The following PTPRG variants were observed in gnomAD, a reference collection of about 807,000 sequenced individuals.
PTPRG encodes protein tyrosine phosphatase receptor type G.
PTPRG carries 102 observed loss-of-function variants against 165.3 expected under a neutral mutation model. The ratio of observed to expected loss-of-function variants is 0.62; its 90% CI spans 0.53 to 0.73. The LOEUF is 0.73. Ranked by LOEUF, PTPRG falls within the 30% of genes least tolerant of loss-of-function variation. PTPRG has a pLI of 0.00. For missense variants in PTPRG, 1,866 were observed against 1,861.4 expected (o/e 1.00, Z -0.05); for synonymous variants, 675 against 669.5 (o/e 1.01, Z -0.13).
At chr3:62,104,518 T>C (rs1290626443) in intron 5 of PTPRG, among the ~76,000 whole-genome samples, 8 of 152,234 alleles carry the variant, frequency 5.3e-5, no homozygotes, top group Admixed American at 5.2e-4. Flanking sequence ...ATTTGCTCAT[T>C]CAGTTATCCA....
intron 2 of PTPRG, among the ~76,000 whole-genome samples, chr3:61,805,248 C>G (rs1041039092): frequency 6.6e-6 from 1 of 152,124 alleles, no homozygotes; most frequent in Non-Finnish European, 1.5e-5. Flanking sequence ...CTACCAGCCT[C>G]TAGTGGGTAG....
At chr3:62,059,592 C>T (rs1263306477) in intron 4 of PTPRG, among the ~76,000 whole-genome samples, 1 of 152,206 alleles carries the variant, frequency 6.6e-6, no homozygotes, top group African/African-American at 2.4e-5. Flanking sequence ...AATCCCAGCT[C>T]TCTGGGAGGC....
At chr3:61,813,879 T>A (rs1456858280) in intron 2 of PTPRG, among the ~76,000 whole-genome samples, 1 of 148,710 alleles carries the variant, frequency 6.7e-6, no homozygotes, top group South Asian at 2.1e-4. Context: ...AGACATCTTA[T>A]GAGATACTGG....
chr3:61,645,377 G>C (rs1056430505), intron 1 of PTPRG, among the ~76,000 whole-genome samples: 1 of 152,222 alleles, frequency 6.6e-6, no homozygotes, highest in Non-Finnish European at 1.5e-5. Context: ...GATGATTCCT[G>C]GTGGGATCCA....
At chr3:61,723,131 C>G (rs1323813020) in intron 1 of PTPRG, among the ~76,000 whole-genome samples, 1 of 152,092 alleles carries the variant, frequency 6.6e-6, no homozygotes, top group African/African-American at 2.4e-5. Flanking sequence ...TTGTAGAATT[C>G]ATATAATCCA....
intron 4 of PTPRG, among the ~76,000 whole-genome samples, chr3:62,061,819 G>A (rs1268615591): frequency 6.6e-6 from 1 of 151,360 alleles, no homozygotes; most frequent in Non-Finnish European, 1.5e-5. Context: ...TAGTAGAGAC[G>A]GGGTTTCACC....
In PTPRG at chr3:62,133,954, G is replaced by C. The variant is rs141618659; in HGVS notation, c.682+1286G>C. On this transcript the variant is annotated intron_variant, in intron 6 of 29. Transcript: ENST00000474889. ...GCCAAAATTGCACCATTGCACTCCA[G>C]CCTGGACAACAGAGAGAGATTCTGT... is the stretch of plus-strand genomic sequence containing the variant. Among the ~76,000 whole-genome samples, 376 of 152,110 alleles carry C rather than the reference G, an allele frequency of 2.5e-3. 2 individuals carry two copies. The highest frequency in any genetic ancestry group is 8.7e-3 in the African/African-American group (361 of 41,494).
chr3:62,204,092 A>C, intron 12 of PTPRG, 142 bp downstream of exon 12: 1 of 1,376,114 alleles, frequency 7.3e-7, no homozygotes, highest in African/African-American at 1.5e-5. Context: ...GAAAAGGTGC[A>C]CACATGTGAA....
At chr3:61,865,562 A>G (rs998189125) in intron 2 of PTPRG, among the ~76,000 whole-genome samples, 2 of 152,166 alleles carry the variant, frequency 1.3e-5, no homozygotes, top group African/African-American at 4.8e-5. Flanking sequence ...AATTAAGGGT[A>G]CTACCTTCAT....
At chr3:62,006,762 T>C (rs2041307466) in intron 4 of PTPRG, among the ~76,000 whole-genome samples, 1 of 152,136 alleles carries the variant, frequency 6.6e-6, no homozygotes, top group African/African-American at 2.4e-5. Flanking sequence ...AGTGTTATGG[T>C]ATTACTTTCT....
chr3:61,821,407 G>T (rs2035953396), intron 2 of PTPRG, among the ~76,000 whole-genome samples: 1 of 152,160 alleles, frequency 6.6e-6, no homozygotes, highest in Non-Finnish European at 1.5e-5. Flanking sequence ...CTGACCTCGT[G>T]ATCCACCCGC....
chr3:61,827,490 C>G (rs2036147101), intron 2 of PTPRG, among the ~76,000 whole-genome samples: 1 of 152,176 alleles, frequency 6.6e-6, no homozygotes, highest in South Asian at 2.1e-4. Flanking sequence ...CAGAAATCAT[C>G]TCATGTCTTT....
intron 5 of PTPRG, among the ~76,000 whole-genome samples, chr3:62,116,224 G>A (rs61387099): frequency 0.013 from 1,955 of 152,186 alleles, 33 homozygotes; most frequent in African/African-American, 0.044. Context: ...GTTGTCATAG[G>A]ACAGATTGAA....
At chr3:62,120,871 T>C (rs1019998227) in intron 5 of PTPRG, among the ~76,000 whole-genome samples, 5 of 152,152 alleles carry the variant, frequency 3.3e-5, no homozygotes, top group African/African-American at 1.2e-4. Context: ...AGTTGGAGTA[T>C]TTTTGGAACT....
Position 62,274,810 on chromosome 3 carries a change from A to C in PTPRG, c.3465+966A>C, listed in dbSNP as rs142115458. 2.3e-3 allele frequency among the ~76,000 whole-genome samples: 346 copies of C among 152,312 alleles called. 2 individuals are homozygous for C. The highest frequency in any genetic ancestry group is 7.9e-3 in the African/African-American group (328 of 41,574). ...ACTATAAAACCATGAGATAATTAATAATGAGGACACAGTGTATCATTTTAA... is the reference window on the plus strand; with the variant it reads ...ACTATAAAACCATGAGATAATTAATCATGAGGACACAGTGTATCATTTTAA... On this transcript the variant is annotated intron_variant, in intron 23 of 29. Transcript: ENST00000474889.
At chr3:62,051,363 T>C (rs1003987339) in intron 4 of PTPRG, among the ~76,000 whole-genome samples, 3 of 152,192 alleles carry the variant, frequency 2.0e-5, no homozygotes, top group African/African-American at 7.2e-5. Context: ...AGAAATCTGC[T>C]CTTTCAGCAA....
chr3:62,108,447 A>T lies in PTPRG; in HGVS notation c.616-24155A>T, dbSNP rs190044791. Among the ~76,000 whole-genome samples the T allele has an allele frequency of 4.0e-3, 604 of 152,294 alleles. 2 individuals carry two copies. The highest frequency in any genetic ancestry group is 0.013 in the African/African-American group (543 of 41,552). ...ATTTTCTAAATCCGTTCTATCATTGATGGACATTTGGGTTGGTTCCAAGTC... is the reference window on the plus strand; with the variant it reads ...ATTTTCTAAATCCGTTCTATCATTGTTGGACATTTGGGTTGGTTCCAAGTC... On this transcript the variant is annotated intron_variant, in intron 5 of 29. Coordinates refer to ENST00000474889, the MANE Select transcript of PTPRG (RefSeq NM_002841.4).
intron 2 of PTPRG, among the ~76,000 whole-genome samples, chr3:61,843,978 T>A (rs2036729296): frequency 6.6e-6 from 1 of 151,404 alleles, no homozygotes; most frequent in South Asian, 2.1e-4. Context: ...TTTTTTTTTT[T>A]TTTGAAATGG....
chr3:61,765,419 A>G (rs2033987679), intron 2 of PTPRG, among the ~76,000 whole-genome samples: 2 of 152,160 alleles, frequency 1.3e-5, no homozygotes, highest in Admixed American at 1.3e-4. Flanking sequence ...TCTTGTGACT[A>G]TGCCATTTGT....
Sources: gnomAD v4.1 joint callset for allele counts (sites outside exome capture counted in the v4.1 genomes callset) on GRCh38, gnomAD v4.1.1 for gene constraint, MANE v1.5 for transcripts, NCBI Gene and HGNC (gene_info 2026-07-23, HGNC 2026-07-21) for gene names.